NETO1: variants seen among roughly 807,000 people sequenced by gnomAD.
The protein encoded by NETO1 is neuropilin and tolloid-like protein 1.
In NETO1, 26 loss-of-function variants were observed where a neutral mutation model predicts 61.3. The ratio of observed to expected loss-of-function variants is 0.42; its 90% confidence interval spans 0.31 to 0.59. The LOEUF is 0.59. Ranked by LOEUF, NETO1 falls within the 20% of genes least tolerant of loss-of-function variation. The pLI is 0.12. For synonymous variants in NETO1, 225 were observed against 225.8 expected (o/e 1.00, Z 0.03); for missense variants, 531 against 662.8 (o/e 0.80, Z 2.18).
chr18:72,820,390 A>C (rs1378020645), intron 4 of NETO1, among the ~76,000 whole-genome samples: 2 of 152,224 alleles, frequency 1.3e-5, no homozygotes, highest in African/African-American at 4.8e-5. Context: ...CAATGATGGA[A>C]TATACAAGTG....
intron 4 of NETO1, among the ~76,000 whole-genome samples, chr18:72,818,919 A>G (rs2073105962): frequency 6.6e-6 from 1 of 152,252 alleles, no homozygotes; most frequent in Non-Finnish European, 1.5e-5. Context: ...AAATGGAAAT[A>G]TAGTTAGGCG....
At chr18:72,800,419 A>T (rs886958414) in intron 4 of NETO1, among the ~76,000 whole-genome samples, 9 of 152,156 alleles carry the variant, frequency 5.9e-5, no homozygotes, top group Non-Finnish European at 8.8e-5. Context: ...AGTGACAGTA[A>T]CCGAAATGAG....
At chr18:72,756,661 A>C (rs1568173833) in intron 7 of NETO1, among the ~76,000 whole-genome samples, 1 of 152,284 alleles carries the variant, frequency 6.6e-6, no homozygotes, top group East Asian at 1.9e-4. Context: ...AATCATGAAA[A>C]AATTAATCCT....
chr18:72,834,549 A>G (rs1197465265), intron 4 of NETO1: 1 of 975,530 alleles, frequency 1.0e-6, no homozygotes, highest in Non-Finnish European at 1.2e-6. Context: ...TATAAAAGCA[A>G]TGAAAATCAT....
intron 4 of NETO1, among the ~76,000 whole-genome samples, chr18:72,814,027 C>T (rs1469861936): frequency 6.6e-6 from 1 of 152,036 alleles, no homozygotes; most frequent in African/African-American, 2.4e-5. Flanking sequence ...AAAAAAAATG[C>T]TCATCCAGAC....
intron 4 of NETO1, among the ~76,000 whole-genome samples, chr18:72,846,648 T>G (rs565112007): frequency 2.0e-5 from 3 of 152,108 alleles, no homozygotes; most frequent in Non-Finnish European, 4.4e-5. Flanking sequence ...TTGTATTTTT[T>G]TATAATCTTT....
At chr18:72,844,384 A>G (rs1023262814) in intron 4 of NETO1, among the ~76,000 whole-genome samples, 4 of 152,178 alleles carry the variant, frequency 2.6e-5, no homozygotes, top group African/African-American at 7.2e-5. Flanking sequence ...ATTCTGATAC[A>G]TCGCACTCTT....
At chr18:72,816,056 T>G (rs867505386) in intron 4 of NETO1, among the ~76,000 whole-genome samples, 22 of 151,844 alleles carry the variant, frequency 1.4e-4, no homozygotes, top group Non-Finnish European at 3.2e-4. Context: ...GATCGATCTC[T>G]CTCTCTCTCT....
chr18:72,860,623 A>G (rs569765922), intron 3 of NETO1, among the ~76,000 whole-genome samples: 1 of 152,364 alleles, frequency 6.6e-6, no homozygotes, highest in East Asian at 1.9e-4. Context: ...AGAGACATTT[A>G]TAACTCATGC....
intron 4 of NETO1, among the ~76,000 whole-genome samples, chr18:72,821,299 T>C (rs958224326): frequency 1.4e-5 from 2 of 145,276 alleles, no homozygotes; most frequent in Non-Finnish European, 3.0e-5. Context: ...TCTCAGCACA[T>C]TGGGAGGACG....
intron 7 of NETO1, among the ~76,000 whole-genome samples, chr18:72,776,657 A>G (rs1425468839): frequency 6.6e-6 from 1 of 152,132 alleles, no homozygotes; most frequent in African/African-American, 2.4e-5. Flanking sequence ...GGCCTCTTTC[A>G]TAAGGGCACT....
chr18:72,791,155 G>A (rs2072102615), intron 6 of NETO1, among the ~76,000 whole-genome samples: 1 of 152,044 alleles, frequency 6.6e-6, no homozygotes, highest in African/African-American at 2.4e-5. Context: ...CTAATTAAAG[G>A]GGACCATCTA....
intron 1 of NETO1, 141 bp downstream of exon 1, chr18:72,867,123 G>A (rs1276993722): frequency 3.3e-6 from 2 of 604,846 alleles, no homozygotes; most frequent in Non-Finnish European, 5.2e-6. Flanking sequence ...AATACAGAAA[G>A]TTTACGTCGG....
chr18:72,817,914 GT>G (rs946673004), intron 4 of NETO1, among the ~76,000 whole-genome samples: 1 of 152,156 alleles, frequency 6.6e-6, no homozygotes, highest in African/African-American at 2.4e-5. Context: ...TGGAAATATT[GT>G]TTCTGACCAA....
intron 6 of NETO1, 111 bp downstream of exon 6, chr18:72,794,006 G>C: frequency 7.3e-7 from 1 of 1,367,076 alleles, no homozygotes; most frequent in Admixed American, 1.9e-5. Context: ...CATAGCCTTT[G>C]ATGGCTGCAC....
At chr18:72,784,894 G>A (rs1407575067) in intron 6 of NETO1, among the ~76,000 whole-genome samples, 2 of 152,190 alleles carry the variant, frequency 1.3e-5, no homozygotes, top group Non-Finnish European at 2.9e-5. Context: ...GGATATCACA[G>A]TGAACAAAAG....
intron 4 of NETO1, among the ~76,000 whole-genome samples, chr18:72,822,394 A>T (rs1484714845): frequency 6.6e-6 from 1 of 152,186 alleles, no homozygotes; most frequent in Admixed American, 6.5e-5. Flanking sequence ...CACAGGTCAG[A>T]CAAGAACAGA....
At chr18:72,853,007 GTATT>G (rs1378911677) in intron 4 of NETO1, among the ~76,000 whole-genome samples, 1 of 151,256 alleles carries the variant, frequency 6.6e-6, no homozygotes, top group Non-Finnish European at 1.5e-5. Flanking sequence ...TAATTTTTTT[GTATT>G]TTTAGTAGAG....
chr18:72,848,439 G>A (rs2074153460), intron 4 of NETO1, among the ~76,000 whole-genome samples: 1 of 152,090 alleles, frequency 6.6e-6, no homozygotes, highest in Admixed American at 6.6e-5. Context: ...GATCCACTCT[G>A]AGACACAATT....
Sources: gnomAD v4.1 joint callset for allele counts (sites outside exome capture counted in the v4.1 genomes callset) on GRCh38, gnomAD v4.1.1 for gene constraint, MANE v1.5 for transcripts, NCBI Gene and HGNC (gene_info 2026-07-23, HGNC 2026-07-21) for gene names.